Variants in TRPM1 observed in about 807,000 individuals in gnomAD.
TRPM1 encodes the protein transient receptor potential cation channel subfamily M member 1.
TRPM1 carries 113 observed loss-of-function variants against 149.4 expected under a neutral mutation model. That is an observed-to-expected ratio of 0.76 (90% CI 0.65 to 0.88). The LOEUF is 0.88. Among genes scored for constraint, TRPM1 ranks in the 40% least tolerant of loss-of-function variants. The pLI, the probability that TRPM1 is intolerant of heterozygous loss-of-function variation, is 0.00. For missense variants in TRPM1, 1,976 were observed against 2,038.7 expected (o/e 0.97, Z 0.59); for synonymous variants, 741 against 759.5 (o/e 0.98, Z 0.40).
At chr15:31,011,778 C>A (rs1422049862) in intron 27 of TRPM1, among the ~76,000 whole-genome samples, 1 of 151,658 alleles carries the variant, frequency 6.6e-6, no homozygotes, top group East Asian at 1.9e-4. Flanking sequence ...GATTCTCGTG[C>A]CTCAGCCTCC....
At chr15:31,141,101 G>T (rs1333495020) in intron 1 of TRPM1, among the ~76,000 whole-genome samples, 2 of 151,774 alleles carry the variant, frequency 1.3e-5, no homozygotes, top group Non-Finnish European at 2.9e-5. Context: ...CAAAGTGCTG[G>T]GATTACAGGC....
At chr15:31,069,581 A>T (rs767135937) in intron 4 of TRPM1, 592 of 1,234,836 alleles carry the variant, frequency 4.8e-4, no homozygotes, top group Non-Finnish European at 5.5e-4. Flanking sequence ...TTTACATGCA[A>T]ATGTGAGGGA....
Position 31,070,187 on chromosome 15 carries a change from AG to A in TRPM1, c.122del (p.Pro41LeufsTer71). The A allele has an allele frequency of 6.2e-7, 1 of 1,614,042 alleles. No individual in the cohort carries two copies. The highest frequency in any genetic ancestry group is 8.5e-7 in the Non-Finnish European group (1 of 1,179,974). On this transcript the variant is annotated frameshift_variant, in exon 4 of 28. Coordinates refer to ENST00000256552, the MANE Select transcript of TRPM1 (RefSeq NM_001252024.2). LOFTEE classifies it high-confidence loss of function. ...CGQFTNQHIP[P>X]LPSATPSKNE... is the part of the protein sequence containing the mutation. ...TTTTGCTGGGTGTTGCACTTGGCAG[AG>A]GGGGGATATGCTGGTTGGTGAACTG...
intron 1 of TRPM1, among the ~76,000 whole-genome samples, chr15:31,127,551 G>A (rs1046627635): frequency 8.5e-5 from 13 of 152,204 alleles, no homozygotes; most frequent in African/African-American, 3.1e-4. Flanking sequence ...GGGAGGTGGT[G>A]AGGCTAACAT....
At chr15:31,128,816 A>G (rs2035983097) in intron 1 of TRPM1, among the ~76,000 whole-genome samples, 1 of 152,226 alleles carries the variant, frequency 6.6e-6, no homozygotes. Flanking sequence ...TGCTGTTGCC[A>G]TCTTGAAATT....
At chr15:31,113,432 GTTTTTTT>G (rs3080947) in intron 1 of TRPM1, among the ~76,000 whole-genome samples, 11 of 149,482 alleles carry the variant, frequency 7.4e-5, no homozygotes, top group Non-Finnish European at 7.4e-5. Flanking sequence ...AGCTCTGACA[GTTTTTTT>G]TTTTTCAAAA....
rs779916297 is a variant in TRPM1, at chr15:31,153,543, C to T, written c.54+7363G>A. 3.9e-5 allele frequency among the ~76,000 whole-genome samples: 6 copies of T among 152,076 alleles called. No individual in the cohort carries two copies. The South Asian group carries it at 6.2e-4, about 16-fold the overall frequency. On this transcript the variant is annotated intron_variant, in intron 1 of 26. Transcript: ENST00000542188. ...TTTCACCATGTTGGCCAGGCTGTCT[C>T]GAAATCCTAACCTCAGGCAATCCAC...
chr15:31,024,227 T>C (rs2032643846), intron 27 of TRPM1, among the ~76,000 whole-genome samples: 1 of 152,198 alleles, frequency 6.6e-6, no homozygotes, highest in African/African-American at 2.4e-5. Context: ...AAACTAATTT[T>C]ATATAGAAAG....
At chr15:31,004,034 A>G (rs187670077) in intron 27 of TRPM1, among the ~76,000 whole-genome samples, 29 of 152,274 alleles carry the variant, frequency 1.9e-4, no homozygotes, top group Admixed American at 1.2e-3. Context: ...ATTGCTTTCT[A>G]AAAGTTGAAT....
chr15:31,112,385 G>A (rs1393531580), intron 1 of TRPM1, among the ~76,000 whole-genome samples: 2 of 152,184 alleles, frequency 1.3e-5, no homozygotes, highest in East Asian at 1.9e-4. Context: ...GGCTGAAGCA[G>A]GAGACTTGCT....
At chr15:31,073,535 A>T (rs569122458) in intron 3 of TRPM1, among the ~76,000 whole-genome samples, 2 of 152,074 alleles carry the variant, frequency 1.3e-5, no homozygotes, top group African/African-American at 4.8e-5. Flanking sequence ...AATACATTTG[A>T]TTTTTGTGTA....
intron 1 of TRPM1, among the ~76,000 whole-genome samples, chr15:31,132,543 A>C (rs2036030585): frequency 6.6e-6 from 1 of 152,210 alleles, no homozygotes; most frequent in Non-Finnish European, 1.5e-5. Flanking sequence ...TTTGCTTCAG[A>C]GGACGTGAGG....
At chr15:31,108,224 C>T (rs1391322854) in intron 1 of TRPM1, among the ~76,000 whole-genome samples, 1 of 152,060 alleles carries the variant, frequency 6.6e-6, no homozygotes, top group Non-Finnish European at 1.5e-5. Flanking sequence ...CTTTGCATGG[C>T]TTTAAAAATC....
At chr15:31,076,098 G>A (rs750367289) in intron 3 of TRPM1, among the ~76,000 whole-genome samples, 2 of 150,266 alleles carry the variant, frequency 1.3e-5, no homozygotes, top group African/African-American at 2.4e-5. Flanking sequence ...GTGACCGTTG[G>A]CATTGTTTCA....
intron 27 of TRPM1, among the ~76,000 whole-genome samples, chr15:31,020,240 G>A (rs537765574): frequency 1.3e-5 from 2 of 152,316 alleles, no homozygotes; most frequent in Non-Finnish European, 2.9e-5. Flanking sequence ...CTTGCAACAC[G>A]TTAGTGCCAA....
At position 31,008,350 on chromosome 15, in the gene TRPM1, C is replaced by G. The variant is rs2032068230; in HGVS notation, c.3630-5280G>C. Among the ~76,000 whole-genome samples, 4 of 152,152 alleles carry G rather than the reference C, an allele frequency of 2.6e-5. No homozygotes were observed. In the South Asian group the frequency reaches 8.3e-4, roughly 32 times the overall value. On this transcript the variant is annotated intron_variant, in intron 27 of 27. Coordinates refer to ENST00000256552, the MANE Select transcript of TRPM1 (RefSeq NM_001252024.2). ...TGCCATTTGTCAGATTAAGGAGGTT[C>G]TCTTCTGTTCTTAGTTTGCTGAGAG...
intron 2 of TRPM1, among the ~76,000 whole-genome samples, chr15:31,080,193 A>G (rs1165521725): frequency 6.6e-6 from 1 of 152,218 alleles, no homozygotes; most frequent in Non-Finnish European, 1.5e-5. Context: ...TTTGGCAACC[A>G]TCAAGAATCT....
chr15:31,113,857 ACACG>A (rs2035757664), intron 1 of TRPM1, among the ~76,000 whole-genome samples: 1 of 151,694 alleles, frequency 6.6e-6, no homozygotes, highest in East Asian at 1.9e-4. Flanking sequence ...CGACGCTCCC[ACACG>A]CTGGAAGGGT....
intron 27 of TRPM1, among the ~76,000 whole-genome samples, chr15:31,017,257 C>T (rs1023309088): frequency 3.3e-5 from 5 of 152,016 alleles, no homozygotes; most frequent in Admixed American, 6.5e-5. Context: ...TGCAGTGAGC[C>T]GAGATCACGC....
Sources: gnomAD v4.1 joint callset for allele counts (sites outside exome capture counted in the v4.1 genomes callset) on GRCh38, gnomAD v4.1.1 for gene constraint, MANE v1.5 for transcripts, NCBI Gene and HGNC (gene_info 2026-07-23, HGNC 2026-07-21) for gene names.